The following EEPD1 variants were observed in gnomAD, a reference collection of about 807,000 sequenced individuals.
EEPD1 encodes endonuclease/exonuclease/phosphatase family domain-containing protein 1.
EEPD1 carries 17 observed loss-of-function variants against 46.3 expected under a neutral mutation model. That is an observed-to-expected ratio of 0.37 (90% CI 0.25 to 0.55). The LOEUF (loss-of-function observed/expected upper bound fraction) is 0.55. Ranked by LOEUF, EEPD1 falls within the 20% of genes least tolerant of loss-of-function variation. The pLI is 0.83. For synonymous variants in EEPD1, 313 were observed against 315.6 expected (o/e 0.99, Z 0.09); for missense variants, 673 against 745.6 (o/e 0.90, Z 1.13).
In EEPD1 at chr7:36,240,613, C is replaced by T. The variant is rs188500186; in HGVS notation, c.930+1577C>T. On this transcript the variant is annotated intron_variant, in intron 3 of 7. Transcript: ENST00000242108. The stretch of plus-strand genomic sequence containing the variant: ...TGGGTCAGGCTATAAAAGACATCAT[C>T]GGGCCAAATGGCAACATTGGATGTG... Among the ~76,000 whole-genome samples, 72 of 152,302 alleles carry T rather than the reference C, an allele frequency of 4.7e-4. 1 individual carries two copies. The highest frequency in any genetic ancestry group is 2.0e-4 in the Admixed American group (3 of 15,304).
At chr7:36,216,689 C>G (rs1013177766) in intron 2 of EEPD1, among the ~76,000 whole-genome samples, 1 of 152,154 alleles carries the variant, frequency 6.6e-6, no homozygotes, top group African/African-American at 2.4e-5. Context: ...TAAATTATAG[C>G]ATGTATCTAT....
At chr7:36,173,311 A>G (rs537911042) in intron 2 of EEPD1, among the ~76,000 whole-genome samples, 2 of 134,272 alleles carry the variant, frequency 1.5e-5, no homozygotes, top group South Asian at 2.6e-4. Context: ...ACATGGTGAA[A>G]GCCCGTTTAT....
intron 3 of EEPD1, among the ~76,000 whole-genome samples, chr7:36,267,006 G>A (rs1787029883): frequency 1.3e-5 from 2 of 152,152 alleles, no homozygotes; most frequent in South Asian, 4.1e-4. Context: ...CCATCTTCGA[G>A]CTACTGGGAG....
intron 2 of EEPD1, among the ~76,000 whole-genome samples, chr7:36,170,810 A>G (rs545754711): frequency 6.6e-6 from 1 of 152,346 alleles, no homozygotes; most frequent in African/African-American, 2.4e-5. Flanking sequence ...ATGGAGATCC[A>G]GTCCAATGTT....
intron 3 of EEPD1, among the ~76,000 whole-genome samples, chr7:36,269,477 G>A (rs1292430376): frequency 6.6e-6 from 1 of 152,158 alleles, no homozygotes; most frequent in East Asian, 1.9e-4. Flanking sequence ...AACATAGCAA[G>A]ACCCTGTCTC....
At chr7:36,250,683 C>A (rs140788722) in intron 3 of EEPD1, among the ~76,000 whole-genome samples, 229 of 152,242 alleles carry the variant, frequency 1.5e-3, no homozygotes, top group Non-Finnish European at 2.4e-3. Context: ...CGTTCTAGAT[C>A]AGTGGTGCTT....
At chr7:36,212,470 A>T (rs928091608) in intron 2 of EEPD1, among the ~76,000 whole-genome samples, 2 of 145,892 alleles carry the variant, frequency 1.4e-5, no homozygotes, top group African/African-American at 5.0e-5. Flanking sequence ...CCAGCAATAG[A>T]GGAAACAGTA....
intron 3 of EEPD1, among the ~76,000 whole-genome samples, chr7:36,267,942 A>T (rs772965537): frequency 1.3e-5 from 2 of 152,214 alleles, no homozygotes; most frequent in African/African-American, 2.4e-5. Flanking sequence ...GGACACAGGA[A>T]GAAGGTGACC....
intron 2 of EEPD1, among the ~76,000 whole-genome samples, chr7:36,209,900 G>A (rs193000300): frequency 1.2e-3 from 178 of 152,248 alleles, no homozygotes; most frequent in African/African-American, 4.2e-3. Context: ...AGATTTGTTG[G>A]GGGGCAAACA....
chr7:36,262,412 C>T (rs1386655587), intron 3 of EEPD1, among the ~76,000 whole-genome samples: 1 of 152,060 alleles, frequency 6.6e-6, no homozygotes, highest in Non-Finnish European at 1.5e-5. Flanking sequence ...AGTTTTAGAG[C>T]AAGAGTGAAA....
intron 6 of EEPD1, among the ~76,000 whole-genome samples, chr7:36,294,563 A>G (rs1787492930): frequency 6.6e-6 from 1 of 152,170 alleles, no homozygotes; most frequent in Non-Finnish European, 1.5e-5. Flanking sequence ...CTTAGTGGGT[A>G]TTCGTTTGAT....
intron 2 of EEPD1, among the ~76,000 whole-genome samples, chr7:36,160,315 A>G (rs547258827): frequency 6.6e-6 from 1 of 152,344 alleles, no homozygotes; most frequent in East Asian, 1.9e-4. Flanking sequence ...CACATCAATC[A>G]TTACAGATAG....
intron 2 of EEPD1, among the ~76,000 whole-genome samples, chr7:36,172,768 T>C (rs1785109483): frequency 6.6e-6 from 1 of 151,196 alleles, no homozygotes; most frequent in African/African-American, 2.4e-5. Flanking sequence ...AAACCTTAAG[T>C]CAGTGTTTCT....
intron 2 of EEPD1, among the ~76,000 whole-genome samples, chr7:36,161,142 T>G (rs57780096): frequency 0.1 from 15,319 of 152,156 alleles, 1,008 homozygotes; most frequent in Non-Finnish European, 0.14. Flanking sequence ...CTCTGGGGAC[T>G]TTAGGTGACT....
chr7:36,206,921 C>T (rs1201255605), intron 2 of EEPD1, among the ~76,000 whole-genome samples: 1 of 152,044 alleles, frequency 6.6e-6, no homozygotes, highest in African/African-American at 2.4e-5. Context: ...TGGTGGCGTG[C>T]ACCTGTAATC....
chr7:36,298,953 C>T, intron 7 of EEPD1, 54 bp from the exon 8 acceptor site: 1 of 1,588,442 alleles, frequency 6.3e-7, no homozygotes, highest in South Asian at 1.2e-5. Context: ...CCAGGACCTC[C>T]CGCACCCAAC....
intron 3 of EEPD1, among the ~76,000 whole-genome samples, chr7:36,265,943 G>A (rs1287167841): frequency 6.6e-6 from 1 of 152,178 alleles, no homozygotes; most frequent in Non-Finnish European, 1.5e-5. Context: ...TGCCAAAGTT[G>A]GGGTTCAGCA....
intron 3 of EEPD1, among the ~76,000 whole-genome samples, chr7:36,253,671 T>C (rs1786782093): frequency 6.6e-6 from 1 of 152,236 alleles, no homozygotes; most frequent in African/African-American, 2.4e-5. Flanking sequence ...ATTGATTGAC[T>C]CTTTTATTAT....
intron 3 of EEPD1, among the ~76,000 whole-genome samples, chr7:36,270,543 G>A (rs1349344684): frequency 6.6e-6 from 1 of 152,162 alleles, no homozygotes; most frequent in East Asian, 1.9e-4. Flanking sequence ...ACTTATGAGT[G>A]AGAACATGTG....
Sources: gnomAD v4.1 joint callset for allele counts (sites outside exome capture counted in the v4.1 genomes callset) on GRCh38, gnomAD v4.1.1 for gene constraint, MANE v1.5 for transcripts, NCBI Gene and HGNC (gene_info 2026-07-23, HGNC 2026-07-21) for gene names.